The following MMS22L variants were observed in gnomAD, a reference collection of about 807,000 sequenced individuals.
The protein encoded by MMS22L is MMS22 like, DNA repair protein.
In MMS22L, 74 loss-of-function variants were observed where a neutral mutation model predicts 159.1. That is an observed-to-expected ratio of 0.47 (90% CI 0.39 to 0.56). MMS22L has a LOEUF of 0.56. Among genes scored for constraint, MMS22L ranks in the 20% least tolerant of loss-of-function variants. The pLI is 0.00. For synonymous variants in MMS22L, 517 were observed against 506.9 expected, an observed-to-expected ratio of 1.02 and a Z score of -0.27; for missense variants, 1,351 against 1,422.1, an observed-to-expected ratio of 0.95 and a Z score of 0.80.
intron 14 of MMS22L, among the ~76,000 whole-genome samples, chr6:97,202,159 C>G (rs1340029601): frequency 6.6e-6 from 1 of 152,188 alleles, no homozygotes. Context: ...TACTAAACAA[C>G]TGAGTAATCA....
At chr6:97,227,790 T>C (rs1296923535) in intron 14 of MMS22L, among the ~76,000 whole-genome samples, 1 of 152,228 alleles carries the variant, frequency 6.6e-6, no homozygotes, top group African/African-American at 2.4e-5. Flanking sequence ...GTAACCATAC[T>C]GAGTGGTAGT....
chr6:97,231,617 T>C lies in MMS22L; in HGVS notation c.1338A>G (p.Lys446=), dbSNP rs1159540588. 2 of 1,613,314 alleles carry C rather than the reference T, an allele frequency of 1.2e-6. No individual in the cohort carries two copies. Among genetic ancestry groups the C allele is most frequent in the Non-Finnish European group, 8.5e-7 (1 of 1,179,568 alleles). The change falls in exon 13 of 25, where the codon AAA becomes AAG. Residue 446 remains lysine (K), a synonymous_variant. Coordinates refer to ENST00000683635, the MANE Select transcript of MMS22L (RefSeq NM_001350599.2). The part of the protein sequence containing the change: ...SSFSISWLPF[K]GLANTMKSPL... ...GTGACTTCATGGTATTAGCAAGGCC[T>C]TTAAAAGGAAGCCAAGAAATACTGA...
chr6:97,241,939 C>T (rs1812121421), intron 11 of MMS22L, among the ~76,000 whole-genome samples: 1 of 152,124 alleles, frequency 6.6e-6, no homozygotes. Context: ...GAATTCATTT[C>T]CAATTTTATT....
intron 14 of MMS22L, among the ~76,000 whole-genome samples, chr6:97,211,497 T>C (rs1396397964): frequency 6.6e-6 from 1 of 152,120 alleles, no homozygotes; most frequent in African/African-American, 2.4e-5. Flanking sequence ...AAAATCTTCA[T>C]CTTCTAGTAG....
At chr6:97,230,638 A>G (rs1810760398) in intron 13 of MMS22L, 1 of 152,176 alleles carries the variant, frequency 6.6e-6, no homozygotes, top group Non-Finnish European at 1.5e-5. Context: ...TAAAGTTCTG[A>G]GTATTATGTC....
At chr6:97,158,588 C>G (rs1268843798) in intron 22 of MMS22L, among the ~76,000 whole-genome samples, 2 of 152,146 alleles carry the variant, frequency 1.3e-5, no homozygotes, top group Non-Finnish European at 2.9e-5. Context: ...CACTCGGGAG[C>G]AGCTTGTTCA....
At chr6:97,270,559 G>A (rs757884178) in intron 6 of MMS22L, 35 of 204,608 alleles carry the variant, frequency 1.7e-4, no homozygotes, top group Non-Finnish European at 3.1e-4. Flanking sequence ...GTTATACTGG[G>A]TTATCAATAA....
intron 15 of MMS22L, among the ~76,000 whole-genome samples, chr6:97,183,540 C>A (rs1281285344): frequency 6.6e-6 from 1 of 152,086 alleles, no homozygotes; most frequent in Non-Finnish European, 1.5e-5. Context: ...GTCTTTTATT[C>A]TCTTAGGGTA....
At chr6:97,222,519 T>C (rs936445405) in intron 14 of MMS22L, among the ~76,000 whole-genome samples, 2 of 152,044 alleles carry the variant, frequency 1.3e-5, no homozygotes, top group Admixed American at 6.6e-5. Flanking sequence ...TAATACAAAA[T>C]AGGATGTCAG....
At position 97,272,803 on chromosome 6, in the gene MMS22L, C is replaced by T. The variant is rs1263307450; in HGVS notation, c.507G>A (p.Val169=). The part of the protein sequence containing the change: ...YEALEAQLPS[V]LIDELHGLLL... ...GTAATCCATGAAGCTCATCAATCAA[C>T]ACTGAGGGAAGCTGAGCCTCCAAAG... Residue 169 remains valine, a synonymous_variant, in exon 6 of 25, where the codon GTG becomes GTA. Transcript: ENST00000683635. 1.9e-6 allele frequency: 3 copies of T among 1,614,040 alleles called. No homozygotes were observed. In the South Asian group the frequency reaches 3.3e-5, roughly 18 times the overall value.
rs1157750819 is a variant in MMS22L at position 97,145,605 on chromosome 6, G to A, written c.*1201C>T. 6.6e-6 allele frequency: 1 copy of A among 152,098 alleles called. No homozygotes were observed. Among genetic ancestry groups the A allele is most frequent in the South Asian group, 2.1e-4 (1 of 4,830 alleles). 9.4% of individuals were successfully genotyped at this position (152,098 alleles called of 1,614,324 possible). On this transcript the variant is annotated 3_prime_UTR_variant, in exon 25 of 25. Transcript: ENST00000683635. Reference sequence around the variant, plus strand: ...ATTGTGCACGAGTAATAAACTAATCGTGTCTGTACATTTCCCAACAGAATT... The same window carrying A: ...ATTGTGCACGAGTAATAAACTAATCATGTCTGTACATTTCCCAACAGAATT...
intron 23 of MMS22L, among the ~76,000 whole-genome samples, chr6:97,151,011 G>T (rs909001950): frequency 2.6e-5 from 4 of 152,012 alleles, no homozygotes; most frequent in African/African-American, 9.7e-5. Context: ...TAAACATAAC[G>T]GAGCTTTCTG....
intron 14 of MMS22L, among the ~76,000 whole-genome samples, chr6:97,217,268 G>A (rs967214550): frequency 5.7e-4 from 87 of 151,478 alleles, no homozygotes; most frequent in Admixed American, 2.0e-3. Flanking sequence ...TTTTTGAGGC[G>A]GAGTTTCACT....
intron 13 of MMS22L, 137 bp downstream of exon 13, chr6:97,231,289 C>A: frequency 1.6e-6 from 1 of 637,384 alleles, no homozygotes; most frequent in South Asian, 2.2e-5. Context: ...CACTTTTAAT[C>A]AAATGCATAT....
At chr6:97,245,850 G>GACACAC (rs56380746) in intron 11 of MMS22L, 7,899 of 116,262 alleles carry the variant, frequency 0.068, 250 homozygotes, top group Middle Eastern at 0.1. Flanking sequence ...AGCTACTACA[G>GACACAC]ACACACACAC....
intron 9 of MMS22L, among the ~76,000 whole-genome samples, chr6:97,257,290 C>T (rs140338858): frequency 2.0e-5 from 3 of 152,258 alleles, no homozygotes; most frequent in African/African-American, 4.8e-5. Flanking sequence ...CAAAATTAGC[C>T]TACTATACCA....
Position 97,162,941 on chromosome 6 carries a change from CT to C in MMS22L, c.3222-777del, listed in dbSNP as rs527582826. Among the ~76,000 whole-genome samples, 303 of 151,914 alleles carry C rather than the reference CT, an allele frequency of 2.0e-3. 1 individual carries two copies. The highest frequency in any genetic ancestry group is 6.9e-3 in the African/African-American group (286 of 41,494). ...TCTGTCAAATACAGCTAAATATAAA[CT>C]AGACATCCATATATATATATATTTG... On this transcript the variant is annotated intron_variant, in intron 21 of 24. Coordinates refer to ENST00000683635, the MANE Select transcript of MMS22L (RefSeq NM_001350599.2).
At chr6:97,259,969 T>G (rs1449925836) in intron 9 of MMS22L, 1 of 152,180 alleles carries the variant, frequency 6.6e-6, no homozygotes, top group Non-Finnish European at 1.5e-5. Flanking sequence ...TGGCTCACAC[T>G]TTTTCATTGA....
At chr6:97,178,080 G>A (rs1278338503) in intron 18 of MMS22L, among the ~76,000 whole-genome samples, 1 of 152,134 alleles carries the variant, frequency 6.6e-6, no homozygotes, top group East Asian at 1.9e-4. Context: ...TAAACACTAA[G>A]GTGGGAGTAT....
Sources: allele counts gnomAD v4.1 joint callset (sites outside exome capture counted in the v4.1 genomes callset), GRCh38; gene constraint gnomAD v4.1.1; transcripts MANE v1.5; gene names NCBI Gene and HGNC (gene_info 2026-07-23, HGNC 2026-07-21).